Variants in NPNT observed in about 807,000 individuals in gnomAD.
The protein encoded by NPNT is preosteoblast EGF-like repeat protein with MAM domain.
A neutral mutation model predicts 68.6 loss-of-function variants in NPNT; 45 were observed. That is an observed-to-expected ratio of 0.66 (90% confidence interval 0.52 to 0.84). The LOEUF (loss-of-function observed/expected upper bound fraction) is 0.84, where lower values mean the gene tolerates loss of function less well. Ranked by LOEUF, NPNT falls within the 40% of genes least tolerant of loss-of-function variation. The pLI, the probability that NPNT is intolerant of heterozygous loss-of-function variation, is 0.00. For synonymous variants in NPNT, 233 were observed against 253.3 expected, an observed-to-expected ratio of 0.92 and a Z score of 0.76; for missense variants, 672 against 714.8, an observed-to-expected ratio of 0.94 and a Z score of 0.68.
At chr4:105,896,376 G>A (rs575044622) in intron 1 of NPNT, among the ~76,000 whole-genome samples, 1 of 152,142 alleles carries the variant, frequency 6.6e-6, no homozygotes, top group African/African-American at 2.4e-5. Context: ...GCCTGACGGC[G>A]GCGTGCTGTG....
intron 8 of NPNT, among the ~76,000 whole-genome samples, chr4:105,948,404 G>GT (rs1478699472): frequency 1.3e-5 from 2 of 152,174 alleles, no homozygotes; most frequent in African/African-American, 4.8e-5. Context: ...CTTTGGAAGA[G>GT]TTACTGTGCT....
At chr4:105,899,829 G>A (rs1045748178) in intron 2 of NPNT, among the ~76,000 whole-genome samples, 5 of 152,150 alleles carry the variant, frequency 3.3e-5, no homozygotes, top group East Asian at 1.9e-4. Flanking sequence ...CTTAGATGGC[G>A]CAAATGTCTC....
chr4:105,924,698 A>G (rs1230995702), intron 2 of NPNT, among the ~76,000 whole-genome samples: 1 of 152,190 alleles, frequency 6.6e-6, no homozygotes, highest in Non-Finnish European at 1.5e-5. Flanking sequence ...CCTATAAAGC[A>G]CCTGAAAGTA....
rs761170644 is a variant in NPNT at position 105,940,529 on chromosome 4, C to T, written c.656C>T (p.Ser219Leu). The T allele has an allele frequency of 6.8e-6, 11 of 1,612,596 alleles. No homozygotes were observed. Among genetic ancestry groups the T allele is most frequent in the East Asian group, 2.2e-5 (1 of 44,868 alleles). Reference sequence around the variant, plus strand: ...TCTGATGCAGACATAGACGAATGCTCACTTGGTCAGTATCAGTGCAGCAGC... The same window carrying T: ...TCTGATGCAGACATAGACGAATGCTTACTTGGTCAGTATCAGTGCAGCAGC... ...KYQCHDIDEC[S>L]LGQYQCSSFA... is the part of the protein sequence containing the mutation. The change falls in exon 7 of 12, where the codon TCA (serine) becomes TTA (leucine). Residue 219 changes from serine (S) to leucine (L), a missense_variant. Coordinates refer to ENST00000379987, the MANE Select transcript of NPNT (RefSeq NM_001033047.3).
rs188908653 is a variant in NPNT at position 105,949,026 on chromosome 4, G to A, written c.1159+6324G>A. ...CAACACTAAAGTTATCTGATGTAGC[G>A]TAAAATTCTTGTTGTTTCATTAATG... is the stretch of plus-strand genomic sequence containing the variant. On this transcript the variant is annotated intron_variant, in intron 8 of 11. Transcript: ENST00000379987. 4.6e-5 allele frequency among the ~76,000 whole-genome samples: 7 copies of A among 152,242 alleles called. No individual in the cohort carries two copies. In the East Asian group the frequency reaches 5.8e-4, roughly 13 times the overall value.
chr4:105,902,627 G>A (rs1726514365), intron 2 of NPNT: 1 of 152,156 alleles, frequency 6.6e-6, no homozygotes, highest in African/African-American at 2.4e-5. Context: ...CATTAAACTT[G>A]AATCCACAAA....
intron 3 of NPNT, among the ~76,000 whole-genome samples, chr4:105,931,839 A>G (rs1042471228): frequency 5.3e-5 from 8 of 150,674 alleles, no homozygotes; most frequent in Non-Finnish European, 8.9e-5. Context: ...GACTCCATCT[A>G]AAAAAAAAGG....
chr4:105,943,594 G>T (rs944889306), intron 8 of NPNT, among the ~76,000 whole-genome samples: 10 of 152,232 alleles, frequency 6.6e-5, no homozygotes, highest in African/African-American at 1.2e-4. Context: ...AGGAGGAAAA[G>T]GTTGTTAATT....
At chr4:105,914,109 G>T (rs1367475955) in intron 2 of NPNT, among the ~76,000 whole-genome samples, 1 of 151,526 alleles carries the variant, frequency 6.6e-6, no homozygotes, top group Non-Finnish European at 1.5e-5. Context: ...AAAAGTTAGG[G>T]ATAAAGATTT....
intron 7 of NPNT, among the ~76,000 whole-genome samples, chr4:105,941,162 G>C (rs1366883451): frequency 6.6e-6 from 1 of 151,962 alleles, no homozygotes; most frequent in Non-Finnish European, 1.5e-5. Flanking sequence ...AACATAATGA[G>C]ACCCTGTCTC....
intron 8 of NPNT, among the ~76,000 whole-genome samples, chr4:105,956,303 C>A (rs904644793): frequency 6.6e-6 from 1 of 152,086 alleles, no homozygotes; most frequent in Non-Finnish European, 1.5e-5. Flanking sequence ...TCTTCCCCAA[C>A]CCCAATGCTA....
At chr4:105,912,607 G>A in intron 2 of NPNT, 1 of 972,532 alleles carries the variant, frequency 1.0e-6, no homozygotes. Flanking sequence ...ATTAACCTGA[G>A]GGAGTTGTAT....
intron 10 of NPNT, among the ~76,000 whole-genome samples, chr4:105,960,609 A>G (rs766538882): frequency 1.3e-5 from 2 of 152,122 alleles, no homozygotes; most frequent in Admixed American, 6.5e-5. Flanking sequence ...ATTTCTTTTC[A>G]TTGTAAAAGA....
intron 8 of NPNT, among the ~76,000 whole-genome samples, chr4:105,942,979 T>A (rs1730108226): frequency 6.6e-6 from 1 of 152,248 alleles, no homozygotes; most frequent in East Asian, 1.9e-4. Flanking sequence ...TTGGATTTAC[T>A]TGAAAACTCT....
At chr4:105,927,764 AC>A (rs1332839289) in intron 3 of NPNT, among the ~76,000 whole-genome samples, 1 of 152,030 alleles carries the variant, frequency 6.6e-6, no homozygotes, top group African/African-American at 2.4e-5. Context: ...ACCACCTCAG[AC>A]CCCAGGTACT....
rs1487252670 is a variant in NPNT at position 105,969,161 on chromosome 4, A to G, written c.*171A>G. 5 of 547,240 alleles carry G rather than the reference A, an allele frequency of 9.1e-6. No homozygotes were observed. Among genetic ancestry groups the G allele is most frequent in the East Asian group, 5.8e-5 (2 of 34,572 alleles). 33.9% of individuals were successfully genotyped at this position (547,240 alleles called of 1,614,324 possible). On this transcript the variant is annotated 3_prime_UTR_variant, in exon 12 of 12. Transcript: ENST00000379987. ...TCTGGCCTGCTTTTGTGCAATCCCA[A>G]TGAACAGTGATACCCTCCTTGAAAT...
At chr4:105,932,746 A>AGGAAGCCATGCAGG in intron 3 of NPNT, 6 of 1,288,792 alleles carry the variant, frequency 4.7e-6, no homozygotes, top group Non-Finnish European at 6.5e-6. Context: ...TCCCACCTGC[A>AGGAAGCCATGCAGG]TGGCTTCCTG....
intron 8 of NPNT, among the ~76,000 whole-genome samples, chr4:105,955,214 T>C (rs1280913635): frequency 1.3e-5 from 2 of 152,190 alleles, no homozygotes; most frequent in African/African-American, 2.4e-5. Flanking sequence ...AGTTGAATAT[T>C]AGCCAAAGTA....
intron 10 of NPNT, among the ~76,000 whole-genome samples, chr4:105,962,593 C>T (rs1280855067): frequency 6.6e-6 from 1 of 151,990 alleles, no homozygotes; most frequent in Admixed American, 6.6e-5. Context: ...ACCTCTAAAC[C>T]AGCTCTGAGA....
Sources: gnomAD v4.1 joint callset for allele counts (sites outside exome capture counted in the v4.1 genomes callset) on GRCh38, gnomAD v4.1.1 for gene constraint, MANE v1.5 for transcripts, NCBI Gene and HGNC (gene_info 2026-07-23, HGNC 2026-07-21) for gene names.